GLIPR1: variants seen among roughly 807,000 people sequenced by gnomAD.
The protein encoded by GLIPR1 is GLI pathogenesis related 1.
A neutral mutation model predicts 30.3 loss-of-function variants in GLIPR1; 38 were observed. The ratio of observed to expected loss-of-function variants is 1.26; its 90% CI spans 0.97 to 1.65. The LOEUF (loss-of-function observed/expected upper bound fraction) is 1.65. Among genes scored for constraint, GLIPR1 ranks in the 40% most tolerant of loss-of-function variants. GLIPR1 has a pLI of 0.00. For missense variants in GLIPR1, 285 were observed against 326.5 expected (o/e 0.87, Z 0.98); for synonymous variants, 122 against 110.6 (o/e 1.10, Z -0.65).
At chr12:75,486,734 T>G (rs944521834) in intron 2 of GLIPR1, among the ~76,000 whole-genome samples, 2 of 152,180 alleles carry the variant, frequency 1.3e-5, no homozygotes, top group African/African-American at 4.8e-5. Context: ...AAAGCTATAT[T>G]TAGACTGATT....
chr12:75,491,091 TAC>T (rs2046321162), intron 3 of GLIPR1: 1 of 152,234 alleles, frequency 6.6e-6, no homozygotes, highest in Non-Finnish European at 1.5e-5. Context: ...ACTGAAAATA[TAC>T]ATTTTCTATT....
intron 5 of GLIPR1, 44 bp from the exon 6 acceptor site, chr12:75,498,780 A>G: frequency 6.2e-7 from 1 of 1,607,504 alleles, no homozygotes; most frequent in East Asian, 2.2e-5. Flanking sequence ...TCAGTGCATT[A>G]TGAGGAACAA....
chr12:75,499,672 ACT>A lies in GLIPR1; in HGVS notation c.*697_*698del, dbSNP rs1318928632. Reference sequence around the variant, plus strand: ...AATAATAATATAATTTATAAAGAACACTCTTCTATGAACAACCACCACCACCA... The same window carrying A: ...AATAATAATATAATTTATAAAGAACACTTCTATGAACAACCACCACCACCA... On this transcript the variant is annotated 3_prime_UTR_variant, in exon 6 of 6. Transcript: ENST00000266659. The A allele has an allele frequency of 2.1e-6, 1 of 469,348 alleles. No individual in the cohort carries two copies. The highest frequency in any genetic ancestry group is 3.6e-6 in the Non-Finnish European group (1 of 277,450). The allele number at this position is 469,348 out of a possible 1,614,324, so 29.1% of individuals were successfully genotyped here. A position where few individuals can be genotyped will look rare whatever the true frequency, so the allele number is the denominator to read the frequency against.
chr12:75,485,533 T>TTTTTTTTATTTATTTATTTA (rs1555239139), intron 2 of GLIPR1, among the ~76,000 whole-genome samples: 1 of 110,426 alleles, frequency 9.1e-6, no homozygotes, highest in Non-Finnish European at 2.1e-5. Flanking sequence ...GACAGCTTTA[T>TTTTTTTTATTTATTTATTTA]TTTATTTATT....
At chr12:75,488,383 C>T (rs1392118819) in intron 2 of GLIPR1, among the ~76,000 whole-genome samples, 3 of 151,780 alleles carry the variant, frequency 2.0e-5, no homozygotes, top group Non-Finnish European at 4.4e-5. Context: ...ACTAAAAATA[C>T]AAAATTAGCC....
rs950979421 is a variant in GLIPR1, at chr12:75,501,473, A to C, written c.*2495A>C. On this transcript the variant is annotated 3_prime_UTR_variant, in exon 6 of 6. Transcript: ENST00000266659. ...GCCCTGGGTTTGTATCTTTCACAAC[A>C]AAGAGTCTTTTCCAAGCACAGACCA... 1 of 385,690 alleles carries C rather than the reference A, an allele frequency of 2.6e-6. No individual in the cohort carries two copies. Among genetic ancestry groups the C allele is most frequent in the Non-Finnish European group, 4.6e-6 (1 of 215,758 alleles). 23.9% of individuals were successfully genotyped at this position (385,690 alleles called of 1,614,324 possible).
rs1283073667 is a variant in GLIPR1, at chr12:75,500,439, G to A, written c.*1461G>A. The A allele has an allele frequency of 1.3e-5, 2 of 151,628 alleles. No individual in the cohort carries two copies. Among genetic ancestry groups the A allele is most frequent in the East Asian group, 1.9e-4 (1 of 5,188 alleles). 9.4% of individuals were successfully genotyped at this position (151,628 alleles called of 1,614,324 possible). A position where few individuals can be genotyped will look rare whatever the true frequency, so the allele number is the denominator to read the frequency against. On this transcript the variant is annotated 3_prime_UTR_variant, in exon 6 of 6. Coordinates refer to ENST00000266659, the MANE Select transcript of GLIPR1 (RefSeq NM_006851.3). ...AATCTACTTCCTCTAATATCAAAAC[G>A]AAAATTTAAAGTTTTCCAAATATTA...
intron 2 of GLIPR1, among the ~76,000 whole-genome samples, chr12:75,486,409 T>C (rs2120509663): frequency 6.6e-6 from 1 of 152,336 alleles, no homozygotes; most frequent in South Asian, 2.1e-4. Flanking sequence ...GCTTGCTATG[T>C]TCCAGAAGCT....
At chr12:75,482,993 G>C (rs1350110046) in intron 2 of GLIPR1, among the ~76,000 whole-genome samples, 1 of 152,122 alleles carries the variant, frequency 6.6e-6, no homozygotes, top group Non-Finnish European at 1.5e-5. Context: ...TATCAAGGCA[G>C]TTACATTGAA....
chr12:75,483,524 A>G (rs11611121), intron 2 of GLIPR1: 36,600 of 152,154 alleles, frequency 0.24, 4,686 homozygotes, highest in South Asian at 0.33. Context: ...GGAATGAGCC[A>G]GGGAAGGAGG....
At chr12:75,495,775 G>A in intron 4 of GLIPR1, 113 bp downstream of exon 4, 2 of 611,134 alleles carry the variant, frequency 3.3e-6, no homozygotes, top group Admixed American at 2.6e-5. Context: ...AAGGAAACTG[G>A]CATCAAGTAG....
At chr12:75,494,789 A>T (rs2046340959) in intron 3 of GLIPR1, 1 of 152,214 alleles carries the variant, frequency 6.6e-6, no homozygotes, top group Non-Finnish European at 1.5e-5. Context: ...ATTTATGGGG[A>T]TATAAAATGC....
intron 2 of GLIPR1, among the ~76,000 whole-genome samples, chr12:75,487,990 T>A (rs1030153490): frequency 1.3e-5 from 2 of 152,160 alleles, no homozygotes; most frequent in African/African-American, 4.8e-5. Context: ...ACAGGGTAAC[T>A]TCCTGACGTT....
intron 4 of GLIPR1, chr12:75,497,887 AATAT>A (rs2046360843): frequency 1.5e-5 from 2 of 129,298 alleles, no homozygotes; most frequent in African/African-American, 5.2e-5. Flanking sequence ...AACATTTAAA[AATAT>A]ATATAAAAAA....
rs2046379694 is a variant in GLIPR1 at position 75,499,907 on chromosome 12, C to T, written c.*929C>T. The T allele has an allele frequency of 6.2e-7, 1 of 1,609,384 alleles. No homozygotes were observed. ...AGTTTCTTATTCTTTGCTTTCTTAA[C>T]CTTTTCCTTGATGCTGGCCACATCA... On this transcript the variant is annotated 3_prime_UTR_variant, in exon 6 of 6. Coordinates refer to ENST00000266659, the MANE Select transcript of GLIPR1 (RefSeq NM_006851.3).
intron 2 of GLIPR1, among the ~76,000 whole-genome samples, chr12:75,487,192 C>T (rs539937516): frequency 5.5e-4 from 83 of 152,230 alleles, no homozygotes; most frequent in African/African-American, 1.9e-3. Context: ...CAACACTGAA[C>T]ACAGCATGCA....
At chr12:75,485,590 G>A (rs1040378464) in intron 2 of GLIPR1, among the ~76,000 whole-genome samples, 5 of 138,706 alleles carry the variant, frequency 3.6e-5, no homozygotes, top group Non-Finnish European at 8.0e-5. Context: ...TCGCTCTGTC[G>A]CCCAGGCTGG....
At position 75,501,225 on chromosome 12, in the gene GLIPR1, TTAAAAACCACAATC is replaced by T; in HGVS notation, c.*2248_*2261del. On this transcript the variant is annotated 3_prime_UTR_variant, in exon 6 of 6. Coordinates refer to ENST00000266659, the MANE Select transcript of GLIPR1 (RefSeq NM_006851.3). ...TTAGTGCGAAAGTGATTTCTGCCAT[TTAAAAACCACAATC>T]ACTTTCGCACTAATAGCTCCTGAAT... is the stretch of plus-strand genomic sequence containing the variant. 1 of 152,910 alleles carries T rather than the reference TTAAAAACCACAATC, an allele frequency of 6.5e-6. No individual in the cohort carries two copies. Among genetic ancestry groups the T allele is most frequent in the Non-Finnish European group, 1.5e-5 (1 of 68,488 alleles). 9.5% of individuals were successfully genotyped at this position (152,910 alleles called of 1,614,324 possible).
intron 2 of GLIPR1, among the ~76,000 whole-genome samples, chr12:75,490,138 A>ATTG (rs2046312827): frequency 6.7e-6 from 1 of 148,776 alleles, no homozygotes; most frequent in Non-Finnish European, 1.5e-5. Context: ...GCCAGCAATC[A>ATTG]CTCCCTATTG....
Sources: gnomAD v4.1 joint callset for allele counts (sites outside exome capture counted in the v4.1 genomes callset) on GRCh38, gnomAD v4.1.1 for gene constraint, MANE v1.5 for transcripts, NCBI Gene and HGNC (gene_info 2026-07-23, HGNC 2026-07-21) for gene names.